The following CDKAL1 variants were observed in gnomAD, a reference collection of about 807,000 sequenced individuals.
CDKAL1 encodes threonylcarbamoyladenosine tRNA methylthiotransferase.
CDKAL1 carries 32 observed loss-of-function variants against 68.2 expected under a neutral mutation model. The observed-to-expected ratio is 0.47, with a 90% confidence interval of 0.35 to 0.63. The LOEUF (loss-of-function observed/expected upper bound fraction) is 0.63, where lower values mean the gene tolerates loss of function less well. Ranked by LOEUF, CDKAL1 falls within the 30% of genes least tolerant of loss-of-function variation. The pLI, the probability that CDKAL1 is intolerant of heterozygous loss-of-function variation, is 0.00. For missense variants in CDKAL1, 606 were observed against 696.7 expected (o/e 0.87, Z 1.47); for synonymous variants, 234 against 244.3 (o/e 0.96, Z 0.39).
chr6:20,885,002 T>G (rs1269320690), intron 9 of CDKAL1, among the ~76,000 whole-genome samples: 2 of 151,986 alleles, frequency 1.3e-5, no homozygotes, highest in Non-Finnish European at 2.9e-5. Flanking sequence ...GAAACACTAC[T>G]GAAAGAAATG....
Position 20,561,903 on chromosome 6 carries a change from A to T in CDKAL1, c.286+13198A>T, listed in dbSNP as rs533385964. On this transcript the variant is annotated intron_variant, in intron 4 of 15. Coordinates refer to ENST00000274695, the MANE Select transcript of CDKAL1 (RefSeq NM_017774.3). The stretch of plus-strand genomic sequence containing the variant: ...TTCTATTTGGGTGGCTGTCAAGTCC[A>T]GTCTGCATAGTCTTGACATGTCTTG... 2.0e-5 allele frequency among the ~76,000 whole-genome samples: 3 copies of T among 152,310 alleles called. No homozygotes were observed. The East Asian group carries it at 5.8e-4, about 29-fold the overall frequency.
intron 15 of CDKAL1, among the ~76,000 whole-genome samples, chr6:21,206,321 C>T (rs1277318221): frequency 6.6e-6 from 1 of 152,112 alleles, no homozygotes; most frequent in Non-Finnish European, 1.5e-5. Flanking sequence ...ATTATCTTCT[C>T]TGTGGGTTCA....
chr6:20,796,157 T>C (rs917215606), intron 8 of CDKAL1, among the ~76,000 whole-genome samples: 2 of 152,126 alleles, frequency 1.3e-5, no homozygotes, highest in African/African-American at 2.4e-5. Flanking sequence ...TAAGTGAATA[T>C]AGCAAGGATA....
intron 15 of CDKAL1, among the ~76,000 whole-genome samples, chr6:21,214,123 G>C (rs1228506872): frequency 1.3e-5 from 2 of 152,122 alleles, no homozygotes; most frequent in Non-Finnish European, 2.9e-5. Flanking sequence ...ATTGAGAATA[G>C]GCAAATTCAT....
chr6:20,990,322 T>C (rs1009045425), intron 10 of CDKAL1, among the ~76,000 whole-genome samples: 11 of 152,202 alleles, frequency 7.2e-5, no homozygotes, highest in African/African-American at 2.7e-4. Context: ...TAATTATAAC[T>C]GTTAGCATTT....
chr6:20,714,048 A>C (rs1357692151), intron 5 of CDKAL1, among the ~76,000 whole-genome samples: 2 of 152,150 alleles, frequency 1.3e-5, no homozygotes, highest in Admixed American at 1.3e-4. Context: ...GCTTTTGTCA[A>C]GATAGACTTA....
At chr6:21,065,704 C>T (rs1201443709) in intron 12 of CDKAL1, among the ~76,000 whole-genome samples, 20 of 137,098 alleles carry the variant, frequency 1.5e-4, no homozygotes, top group Non-Finnish European at 2.6e-4. Context: ...TTTTTCACAA[C>T]GAGCCTCAAT....
chr6:21,197,610 A>G (rs1778524925), intron 13 of CDKAL1, among the ~76,000 whole-genome samples: 1 of 152,204 alleles, frequency 6.6e-6, no homozygotes, highest in African/African-American at 2.4e-5. Flanking sequence ...CTATTCTTTC[A>G]TATTGCCAAA....
rs761028078 is a variant in CDKAL1 at position 20,758,611 on chromosome 6, G to A, written c.485G>A (p.Arg162His). The A allele has an allele frequency of 1.5e-5, 24 of 1,607,296 alleles. No homozygotes were observed. Among genetic ancestry groups the A allele is most frequent in the Non-Finnish European group, 2.0e-5 (23 of 1,177,682 alleles). Residue 162 changes from arginine to histidine, a missense_variant, in exon 7 of 16, where the codon CGT becomes CAT. By Grantham distance (29) the Arg-to-His change is conservative. Transcript: ENST00000274695. ...TTTTTCCAGGTTCAGCAGATAGATC[G>A]TGTGGTAGAAGTTGTGGAGGAGACA... is the stretch of plus-strand genomic sequence containing the variant. ...LSIIGVQQID[R>H]VVEVVEETIK...
At chr6:20,719,592 G>T (rs1383002332) in intron 5 of CDKAL1, among the ~76,000 whole-genome samples, 1 of 152,050 alleles carries the variant, frequency 6.6e-6, no homozygotes, top group East Asian at 1.9e-4. Flanking sequence ...GAAATCTCAG[G>T]TTATTTAATT....
At chr6:20,708,869 C>A (rs897071788) in intron 5 of CDKAL1, among the ~76,000 whole-genome samples, 10 of 151,768 alleles carry the variant, frequency 6.6e-5, no homozygotes, top group African/African-American at 2.4e-4. Flanking sequence ...TGACTTTTTT[C>A]ACTTGAGTGA....
chr6:21,106,316 G>A (rs545904959), intron 12 of CDKAL1, among the ~76,000 whole-genome samples: 1 of 152,342 alleles, frequency 6.6e-6, no homozygotes, highest in African/African-American at 2.4e-5. Flanking sequence ...GACAAACTGT[G>A]TAGTGGAAAA....
At chr6:21,219,066 A>G (rs923357350) in intron 15 of CDKAL1, among the ~76,000 whole-genome samples, 1 of 152,232 alleles carries the variant, frequency 6.6e-6, no homozygotes, top group South Asian at 2.1e-4. Context: ...GGAAGAAAGC[A>G]TAATAGAACT....
intron 13 of CDKAL1, among the ~76,000 whole-genome samples, chr6:21,118,675 T>A (rs1002051427): frequency 2.6e-5 from 4 of 152,244 alleles, no homozygotes; most frequent in Non-Finnish European, 5.9e-5. Flanking sequence ...GGAAAGAAAG[T>A]AAGTCAACCA....
In CDKAL1 at chr6:20,590,998, C is replaced by T. The variant is rs147538562; in HGVS notation, c.286+42293C>T. On this transcript the variant is annotated intron_variant, in intron 4 of 15. Coordinates refer to ENST00000274695, the MANE Select transcript of CDKAL1 (RefSeq NM_017774.3). ...ACAGTGTAAAAGCGTTCCTATTTCT[C>T]GACATCCTCTCTGGCATCTGTTGTT... Among the ~76,000 whole-genome samples, 883 of 152,276 alleles carry T rather than the reference C, an allele frequency of 5.8e-3. 8 individuals are homozygous for T. The highest frequency in any genetic ancestry group is 0.011 in the Non-Finnish European group (717 of 68,012).
intron 11 of CDKAL1, among the ~76,000 whole-genome samples, chr6:21,052,660 A>G (rs1770609022): frequency 6.7e-6 from 1 of 149,622 alleles, no homozygotes; most frequent in East Asian, 2.0e-4. Context: ...GGCATGAGCT[A>G]CCACACCTGG....
At chr6:20,839,329 T>C (rs1778083791) in intron 8 of CDKAL1, among the ~76,000 whole-genome samples, 1 of 152,232 alleles carries the variant, frequency 6.6e-6, no homozygotes, top group Non-Finnish European at 1.5e-5. Flanking sequence ...TGTTTTGTTG[T>C]TTAAAATGTG....
chr6:20,729,145 G>C (rs1772789691), intron 5 of CDKAL1, among the ~76,000 whole-genome samples: 2 of 152,136 alleles, frequency 1.3e-5, no homozygotes, highest in Admixed American at 1.3e-4. Flanking sequence ...CTATCCAAGA[G>C]AAACTCCCCT....
chr6:21,047,497 G>A (rs181664761), intron 11 of CDKAL1, among the ~76,000 whole-genome samples: 6 of 152,268 alleles, frequency 3.9e-5, no homozygotes, highest in African/African-American at 1.4e-4. Flanking sequence ...AAAGCCTATT[G>A]CTTTATTAAA....
Sources: allele counts gnomAD v4.1 joint callset (sites outside exome capture counted in the v4.1 genomes callset), GRCh38; gene constraint gnomAD v4.1.1; transcripts MANE v1.5; gene names NCBI Gene and HGNC (gene_info 2026-07-23, HGNC 2026-07-21).